Variants in HMBOX1 observed in about 807,000 individuals in gnomAD.
HMBOX1 encodes the protein homeobox containing 1, also known as homeobox-containing protein 1.
A neutral mutation model predicts 54.5 loss-of-function variants in HMBOX1; 14 were observed. The ratio of observed to expected loss-of-function variants is 0.26; its 90% CI spans 0.17 to 0.40. The LOEUF (loss-of-function observed/expected upper bound fraction) is 0.40. HMBOX1 is among the 10% of genes least tolerant of loss of function. HMBOX1 has a pLI of 1.00. For synonymous variants in HMBOX1, 160 were observed against 181.0 expected (o/e 0.88, Z 0.93); for missense variants, 332 against 514.4 (o/e 0.65, Z 3.43).
At chr8:29,049,894 T>C (rs550168758) in intron 9 of HMBOX1, among the ~76,000 whole-genome samples, 125 of 152,364 alleles carry the variant, frequency 8.2e-4, no homozygotes, top group African/African-American at 3.0e-3. Flanking sequence ...TATAGTCCAA[T>C]GTGTTCTTTA....
intron 1 of HMBOX1, among the ~76,000 whole-genome samples, chr8:28,911,289 C>T (rs1334797519): frequency 6.6e-6 from 1 of 152,206 alleles, no homozygotes; most frequent in Non-Finnish European, 1.5e-5. Context: ...CAGTCAGAGC[C>T]ACACCACAGG....
chr8:28,970,259 A>C lies in HMBOX1; in HGVS notation c.240A>C (p.Pro80=). 1 of 1,614,240 alleles carries C rather than the reference A, an allele frequency of 6.2e-7. No homozygotes were observed. Reference sequence around the variant, plus strand: ...ATGGGAATAGTACTAACAATGTCCCAGCATCTTCCTCTACAGCTACAGCTT... The same window carrying C: ...ATGGGAATAGTACTAACAATGTCCCCGCATCTTCCTCTACAGCTACAGCTT... ...SSYGNSTNNV[P]ASSSTATAST... The change falls in exon 3 of 10, where the codon CCA becomes CCC. Residue 80 remains proline (P), a synonymous_variant. Coordinates refer to ENST00000287701, the MANE Select transcript of HMBOX1 (RefSeq NM_001135726.3). This position sits in a 1 kb window ranked among gnomAD's most constrained non-coding sequence, Gnocchi z 4.3.
rs147217043 is a variant in HMBOX1 at position 28,905,974 on chromosome 8, A to G, written c.-58+15296A>G. Among the ~76,000 whole-genome samples, 10 of 152,358 alleles carry G rather than the reference A, an allele frequency of 6.6e-5. No homozygotes were observed. In the East Asian group the frequency reaches 1.9e-3, roughly 29 times the overall value. On this transcript the variant is annotated intron_variant, in intron 1 of 9. Coordinates refer to ENST00000287701, the MANE Select transcript of HMBOX1 (RefSeq NM_001135726.3). ...CTTTGATTATATGCGTTTTCAGAAT[A>G]TATGCATAATTTTGGCTACATGAAT...
At chr8:28,967,256 A>G (rs981545989) in intron 2 of HMBOX1, among the ~76,000 whole-genome samples, 5 of 152,210 alleles carry the variant, frequency 3.3e-5, no homozygotes, top group Non-Finnish European at 7.3e-5. Flanking sequence ...ATGTGCTTGG[A>G]AAGAATGAGG....
At chr8:29,040,296 T>A (rs1436241158) in intron 6 of HMBOX1, among the ~76,000 whole-genome samples, 1 of 152,250 alleles carries the variant, frequency 6.6e-6, no homozygotes, top group Non-Finnish European at 1.5e-5. Context: ...CAATGCCTTA[T>A]GCATAGTCAT....
chr8:28,949,427 C>T lies in HMBOX1; in HGVS notation c.-57-14384C>T, dbSNP rs898036237. ...ATCCTGAGAACACATATTATTTACC[C>T]GATTATCAAGAACAAAGCCTATTTA... On this transcript the variant is annotated intron_variant, in intron 1 of 9. Coordinates refer to ENST00000287701, the MANE Select transcript of HMBOX1 (RefSeq NM_001135726.3). Among the ~76,000 whole-genome samples the T allele has an allele frequency of 5.9e-5, 9 of 152,264 alleles. 1 individual carries two copies. The South Asian group carries it at 8.3e-4, about 14-fold the overall frequency.
intron 1 of HMBOX1, among the ~76,000 whole-genome samples, chr8:28,898,987 A>G (rs1812692867): frequency 6.6e-6 from 1 of 152,190 alleles, no homozygotes; most frequent in African/African-American, 2.4e-5. Flanking sequence ...TGTCAAGTCT[A>G]GCAGTGCGTG....
intron 7 of HMBOX1, among the ~76,000 whole-genome samples, chr8:29,046,974 C>G (rs1805661608): frequency 6.6e-6 from 1 of 152,002 alleles, no homozygotes; most frequent in Admixed American, 6.5e-5. Context: ...AGAATGAGAC[C>G]CTTTCTCAAA....
At chr8:28,990,588 G>A (rs1456697971) in intron 4 of HMBOX1, among the ~76,000 whole-genome samples, 1 of 152,000 alleles carries the variant, frequency 6.6e-6, no homozygotes, top group Non-Finnish European at 1.5e-5. Flanking sequence ...GTTCATGAGG[G>A]ACATTCTGGG....
At chr8:28,957,057 G>T (rs117019803) in intron 1 of HMBOX1, among the ~76,000 whole-genome samples, 2 of 152,152 alleles carry the variant, frequency 1.3e-5, no homozygotes, top group Admixed American at 1.3e-4. Flanking sequence ...TGGCCTGGGC[G>T]TGGAGGGTAT....
intron 6 of HMBOX1, among the ~76,000 whole-genome samples, chr8:29,020,345 A>G (rs1586531544): frequency 6.6e-6 from 1 of 152,168 alleles, no homozygotes; most frequent in Non-Finnish European, 1.5e-5. Flanking sequence ...AAATGTCATC[A>G]TGAGAAAGAA....
chr8:28,973,818 T>TTG (rs1827902074), intron 3 of HMBOX1, among the ~76,000 whole-genome samples: 1 of 128,746 alleles, frequency 7.8e-6, no homozygotes, highest in Non-Finnish European at 1.6e-5. Context: ...TTTTTTTTTT[T>TTG]TTTTTTTTTT....
At chr8:29,049,750 A>G (rs960865955) in intron 9 of HMBOX1, among the ~76,000 whole-genome samples, 3 of 152,352 alleles carry the variant, frequency 2.0e-5, no homozygotes, top group South Asian at 2.1e-4. Flanking sequence ...AGATTTCATT[A>G]AAATTTTGAT....
intron 1 of HMBOX1, among the ~76,000 whole-genome samples, chr8:28,957,757 G>A (rs1824742452): frequency 6.6e-6 from 1 of 152,090 alleles, no homozygotes; most frequent in South Asian, 2.1e-4. Flanking sequence ...TGAGTAGCTG[G>A]GATTATAGGT....
At chr8:28,963,751 AT>A in intron 1 of HMBOX1, 59 bp from the exon 2 acceptor site, 1 of 737,348 alleles carries the variant, frequency 1.4e-6, no homozygotes, top group Non-Finnish European at 2.2e-6. Context: ...CATAATTAAA[AT>A]TTTTATTCAG....
At chr8:28,950,516 A>G (rs531013419) in intron 1 of HMBOX1, among the ~76,000 whole-genome samples, 141 of 152,364 alleles carry the variant, frequency 9.3e-4, no homozygotes, top group Non-Finnish European at 1.7e-3. Context: ...TAAATGTAGT[A>G]TATTGTAAAC....
At chr8:29,022,660 G>A (rs1033883699) in intron 6 of HMBOX1, among the ~76,000 whole-genome samples, 1 of 151,860 alleles carries the variant, frequency 6.6e-6, no homozygotes, top group Non-Finnish European at 1.5e-5. Flanking sequence ...TTTAAAACAA[G>A]GCAGAATCAA....
intron 1 of HMBOX1, among the ~76,000 whole-genome samples, chr8:28,934,790 G>A (rs1368836757): frequency 2.0e-5 from 3 of 152,084 alleles, no homozygotes; most frequent in Non-Finnish European, 2.9e-5. Context: ...AGCTGGGCGC[G>A]GTGGCAGGCG....
intron 3 of HMBOX1, among the ~76,000 whole-genome samples, chr8:28,973,841 G>T (rs562065500): frequency 2.7e-5 from 2 of 74,578 alleles, no homozygotes; most frequent in African/African-American, 5.0e-5. Context: ...TTTTGAGACA[G>T]TCTCGCTCTG....
Sources: allele counts gnomAD v4.1 joint callset (sites outside exome capture counted in the v4.1 genomes callset), GRCh38; gene constraint gnomAD v4.1.1; non-coding constraint Gnocchi (gnomAD v3.1); transcripts MANE v1.5; gene names NCBI Gene and HGNC (gene_info 2026-07-23, HGNC 2026-07-21).